The following FKBP15 variants were observed in gnomAD, a reference collection of about 807,000 sequenced individuals.
FKBP15 encodes the protein FK506-binding protein 15.
Under a neutral mutation model 158.1 loss-of-function variants are expected in FKBP15, and 106 were observed. The observed-to-expected ratio is 0.67, with a 90% confidence interval of 0.57 to 0.79. The LOEUF (loss-of-function observed/expected upper bound fraction) is 0.79. Among genes scored for constraint, FKBP15 ranks in the 30% least tolerant of loss-of-function variants. The pLI, the probability that FKBP15 is intolerant of heterozygous loss-of-function variation, is 0.00. For missense variants in FKBP15, 1,287 were observed against 1,479.1 expected, an observed-to-expected ratio of 0.87 and a Z score of 2.13; for synonymous variants, 547 against 548.6, an observed-to-expected ratio of 1.00 and a Z score of 0.04.
Position 113,162,794 on chromosome 9 carries a change from G to A in FKBP15, c.*3284C>T, listed in dbSNP as rs530928965. 5.0e-6 allele frequency: 8 copies of A among 1,613,698 alleles called. No individual in the cohort carries two copies. Among genetic ancestry groups the A allele is most frequent in the East Asian group, 2.2e-5 (1 of 44,866 alleles). On this transcript the variant is annotated 3_prime_UTR_variant, in exon 28 of 28. Transcript: ENST00000238256. ...GCCAGTCTCTAATCCATGTCATCCA[G>A]GTGGTCATCGGCTACTTCATCATGC...
rs1830077810 is a variant in FKBP15 at position 113,165,066 on chromosome 9, T to C, written c.*1012A>G. 1 of 149,534 alleles carries C rather than the reference T, an allele frequency of 6.7e-6. No individual in the cohort carries two copies. The highest frequency in any genetic ancestry group is 1.5e-5 in the Non-Finnish European group (1 of 66,920). The allele number at this position is 149,534 out of a possible 1,614,324, so 9.3% of individuals were successfully genotyped here. On this transcript the variant is annotated 3_prime_UTR_variant, in exon 28 of 28. Transcript: ENST00000238256. ...TTATTCTGTTTTTTTAAAGACTGAT[T>C]GCATAATCTTTGGAAGATCCTGGAA... is the stretch of plus-strand genomic sequence containing the variant.
chr9:113,196,136 T>C (rs568316464), intron 9 of FKBP15, among the ~76,000 whole-genome samples: 226 of 152,236 alleles, frequency 1.5e-3, no homozygotes, highest in Non-Finnish European at 2.2e-3. Context: ...CATAAAAATC[T>C]ATGAAAAAAA....
intron 14 of FKBP15, chr9:113,187,510 A>G (rs140297965): frequency 8.0e-6 from 3 of 373,168 alleles, no homozygotes; most frequent in Non-Finnish European, 1.0e-5. Flanking sequence ...ACACGCTTCA[A>G]CTGGATATGT....
intron 8 of FKBP15, among the ~76,000 whole-genome samples, chr9:113,197,581 A>G (rs951849170): frequency 3.3e-5 from 5 of 152,168 alleles, no homozygotes; most frequent in African/African-American, 1.2e-4. Flanking sequence ...AGGCAGGAGA[A>G]TCGCTTGAAC....
In FKBP15 at chr9:113,169,904, C is replaced by A; in HGVS notation, c.2805G>T (p.Glu935Asp). The change falls in exon 26 of 28, where the codon GAG becomes GAT. Residue 935 changes from glutamate (E) to aspartate (D), a missense_variant. By Grantham distance (45) the Glu-to-Asp change is conservative. Transcript: ENST00000238256. ...TLQLLNQQEQ[E>D]KEESSSEEEE... is the part of the protein sequence containing the mutation. The stretch of plus-strand genomic sequence containing the variant: ...CTTCTTCACTGCTGCTCTCTTCCTT[C>A]TCTTGCTCCTGTTGGTTTAACAGCT... The A allele has an allele frequency of 6.5e-7, 1 of 1,548,716 alleles. No individual in the cohort carries two copies. The highest frequency in any genetic ancestry group is 2.4e-5 in the East Asian group (1 of 40,922).
At chr9:113,195,022 T>C (rs1341710958) in intron 9 of FKBP15, among the ~76,000 whole-genome samples, 1 of 152,240 alleles carries the variant, frequency 6.6e-6, no homozygotes, top group Admixed American at 6.5e-5. Context: ...ATTTCCAAAC[T>C]ATAAATTAGT....
chr9:113,192,028 A>C (rs4978534), intron 11 of FKBP15, among the ~76,000 whole-genome samples: 20,793 of 136,046 alleles, frequency 0.15, 1,870 homozygotes, highest in Non-Finnish European at 0.21. Context: ...AAAAAAACAA[A>C]TTTGTTTAAA....
At chr9:113,212,627 G>A (rs565395534) in intron 1 of FKBP15, among the ~76,000 whole-genome samples, 2 of 152,242 alleles carry the variant, frequency 1.3e-5, no homozygotes, top group Non-Finnish European at 1.5e-5. Context: ...GAAGGAACAG[G>A]TCCAAATAAG....
At chr9:113,188,824 T>C in intron 12 of FKBP15, among the ~76,000 whole-genome samples, 1 of 152,168 alleles carries the variant, frequency 6.6e-6, no homozygotes, top group Non-Finnish European at 1.5e-5. Flanking sequence ...AGTAACTGCC[T>C]TAAGACAAAT....
intron 2 of FKBP15, 92 bp from the exon 3 acceptor site, chr9:113,207,388 G>A: frequency 1.1e-6 from 1 of 890,890 alleles, no homozygotes; most frequent in Non-Finnish European, 1.7e-6. Context: ...CACCCAGGCT[G>A]GAGTGCAGTG....
chr9:113,167,885 AC>A (rs34032965), intron 27 of FKBP15, among the ~76,000 whole-genome samples: 70,998 of 151,888 alleles, frequency 0.47, 17,084 homozygotes, highest in Non-Finnish European at 0.52. Context: ...TGCTATTAAT[AC>A]TGAACCCATT....
chr9:113,210,940 C>T (rs1830989218), intron 2 of FKBP15, among the ~76,000 whole-genome samples: 1 of 152,188 alleles, frequency 6.6e-6, no homozygotes. Flanking sequence ...GGCCTGCAGC[C>T]ACAGACTGAA....
chr9:113,199,044 G>A, intron 7 of FKBP15, 121 bp from the exon 8 acceptor site: 1 of 662,218 alleles, frequency 1.5e-6, no homozygotes, highest in South Asian at 1.9e-5. Context: ...AAATATACTG[G>A]GAAGATAGTT....
rs16912462 is a variant in FKBP15 at position 113,187,491 on chromosome 9, C to T, written c.1383+302G>A. Reference sequence around the variant, plus strand: ...TTTAGTAGAAAAGAATACAGAAGAACGCGAATATACACGCTTCAACTGGAT... The same window carrying T: ...TTTAGTAGAAAAGAATACAGAAGAATGCGAATATACACGCTTCAACTGGAT... On this transcript the variant is annotated intron_variant, in intron 14 of 27. Coordinates refer to ENST00000238256, the MANE Select transcript of FKBP15 (RefSeq NM_015258.2). The T allele has an allele frequency of 1.0e-2, 2,938 of 294,674 alleles. 102 individuals are homozygous for T. Among genetic ancestry groups the T allele is most frequent in the African/African-American group, 0.06 (2,720 of 45,358 alleles). 18.3% of individuals were successfully genotyped at this position (294,674 alleles called of 1,614,324 possible). A position where few individuals can be genotyped will look rare whatever the true frequency, so the allele number is the denominator to read the frequency against.
At chr9:113,174,277 A>G (rs1455032066) in intron 22 of FKBP15, 151 bp downstream of exon 22, 19 of 721,322 alleles carry the variant, frequency 2.6e-5, no homozygotes, top group African/African-American at 1.6e-4. Flanking sequence ...TCTCCTGCAC[A>G]TATCTGGATT....
At chr9:113,202,929 G>A (rs781673361) in intron 5 of FKBP15, 32 bp downstream of exon 5, 29 of 1,537,258 alleles carry the variant, frequency 1.9e-5, no homozygotes, top group Non-Finnish European at 2.4e-5. Context: ...TATCCCGAAG[G>A]AGCTAATGAT....
At chr9:113,213,705 A>C (rs1024039180) in intron 1 of FKBP15, among the ~76,000 whole-genome samples, 15 of 152,162 alleles carry the variant, frequency 9.9e-5, no homozygotes, top group African/African-American at 3.6e-4. Context: ...ATGCCATCTC[A>C]GGACCCTGCA....
intron 9 of FKBP15, among the ~76,000 whole-genome samples, chr9:113,196,278 GATA>G (rs1302786766): frequency 2.0e-5 from 3 of 151,770 alleles, no homozygotes; most frequent in African/African-American, 7.3e-5. Flanking sequence ...AAGATATCAA[GATA>G]ATAAGTTTGT....
intron 19 of FKBP15, among the ~76,000 whole-genome samples, chr9:113,180,562 GA>G (rs1381871690): frequency 6.6e-6 from 1 of 151,768 alleles, no homozygotes; most frequent in African/African-American, 2.4e-5. Flanking sequence ...GTGAGAAAAA[GA>G]AAGCAATGAC....
Sources: allele counts gnomAD v4.1 joint callset (sites outside exome capture counted in the v4.1 genomes callset), GRCh38; gene constraint gnomAD v4.1.1; transcripts MANE v1.5; gene names NCBI Gene and HGNC (gene_info 2026-07-23, HGNC 2026-07-21).